The following DOP1B variants were observed in gnomAD, a reference collection of about 807,000 sequenced individuals.
DOP1B encodes DOP1 leucine zipper like protein B.
A neutral mutation model predicts 233.5 loss-of-function variants in DOP1B; 174 were observed. That is an observed-to-expected ratio of 0.75 (90% confidence interval 0.66 to 0.85). The LOEUF (loss-of-function observed/expected upper bound fraction) is 0.85, where lower values mean the gene tolerates loss of function less well. Ranked by LOEUF, DOP1B falls within the 40% of genes least tolerant of loss-of-function variation. The pLI is 0.00. For synonymous variants in DOP1B, 1,190 were observed against 1,185.6 expected, an observed-to-expected ratio of 1.00 and a Z score of -0.08; for missense variants, 2,652 against 2,846.6, an observed-to-expected ratio of 0.93 and a Z score of 1.56.
Position 36,223,275 on chromosome 21 carries a change from T to A in DOP1B, c.1295T>A (p.Val432Glu). 6.2e-7 allele frequency: 1 copy of A among 1,609,334 alleles called. No homozygotes were observed. Among genetic ancestry groups the A allele is most frequent in the Non-Finnish European group, 8.5e-7 (1 of 1,178,924 alleles). The change falls in exon 11 of 37, where the codon GTA becomes GAA. Residue 432 changes from valine to glutamate, a missense_variant. Around this residue, in one of 3 missense-constraint regions of DOP1B, gnomAD observed 2,617 missense variants for 2,794.3 expected, o/e 0.94. Transcript: ENST00000691173. The stretch of plus-strand genomic sequence containing the variant: ...AATGCCTCTGAGATTGTCAAAACGG[T>A]AAATTTGCTGATAACTTCTCTAAGC... Reference protein sequence around the residue: ...NRNASEIVKTVNLLITSLSTD... With the variant: ...NRNASEIVKTENLLITSLSTD...
chr21:36,267,365 T>A (rs939233021), intron 26 of DOP1B, among the ~76,000 whole-genome samples: 6 of 152,178 alleles, frequency 3.9e-5, no homozygotes, highest in Admixed American at 6.5e-5. Flanking sequence ...TGAATACAAT[T>A]TATGGTTTTT....
rs758489816 is a variant in DOP1B at position 36,203,285 on chromosome 21, G to A, written c.491+2784G>A. 6.1e-4 allele frequency among the ~76,000 whole-genome samples: 93 copies of A among 152,212 alleles called. 1 individual carries two copies. The highest frequency in any genetic ancestry group is 1.0e-3 in the Non-Finnish European group (70 of 68,046). ...TTATCAGCTCTCCAAGGTGGATGCA[G>A]GTGAAAGGTTATACAATAATCTCTG... On this transcript the variant is annotated intron_variant, in intron 4 of 36. Transcript: ENST00000691173.
chr21:36,195,477 T>G (rs2066280552), intron 2 of DOP1B, among the ~76,000 whole-genome samples: 1 of 151,708 alleles, frequency 6.6e-6, no homozygotes, highest in African/African-American at 2.4e-5. Flanking sequence ...GAGGTTGCAG[T>G]GAGTTGCAAT....
chr21:36,187,211 C>T (rs1252235794), intron 2 of DOP1B, among the ~76,000 whole-genome samples: 1 of 149,654 alleles, frequency 6.7e-6, no homozygotes, highest in Non-Finnish European at 1.5e-5. Flanking sequence ...CCTCCCTTCC[C>T]CTCCTCTCCC....
intron 5 of DOP1B, among the ~76,000 whole-genome samples, chr21:36,211,221 A>G (rs575549681): frequency 4.9e-4 from 74 of 152,346 alleles, no homozygotes; most frequent in African/African-American, 1.7e-3. Context: ...TTGATCAGGA[A>G]TTATTTTCCC....
chr21:36,168,740 C>T (rs1197369218), intron 2 of DOP1B, among the ~76,000 whole-genome samples: 1 of 151,862 alleles, frequency 6.6e-6, no homozygotes, highest in African/African-American at 2.4e-5. Context: ...ACCATCTTGG[C>T]CAGGCTGGTC....
intron 15 of DOP1B, among the ~76,000 whole-genome samples, chr21:36,237,003 T>TTGAACTCCTGACCTCAGGTGA (rs2066835262): frequency 6.6e-6 from 1 of 152,122 alleles, no homozygotes; most frequent in African/African-American, 2.4e-5. Flanking sequence ...CAGGCTGGTC[T>TTGAACTCCTGACCTCAGGTGA]TGAACTCCTG....
At chr21:36,165,561 C>T (rs1394823491) in intron 2 of DOP1B, among the ~76,000 whole-genome samples, 7 of 152,032 alleles carry the variant, frequency 4.6e-5, no homozygotes, top group Admixed American at 1.3e-4. Context: ...TATTAGGAAC[C>T]GGGACGCACA....
chr21:36,204,093 G>C (rs1203204832), intron 4 of DOP1B, among the ~76,000 whole-genome samples: 1 of 152,050 alleles, frequency 6.6e-6, no homozygotes. Flanking sequence ...GCCTCTCAGG[G>C]TACATTTGAC....
rs188995131 is a variant in DOP1B, at chr21:36,206,494, C to T, written c.492-2221C>T. 1.8e-4 allele frequency among the ~76,000 whole-genome samples: 27 copies of T among 150,152 alleles called. No homozygotes were observed. The East Asian group carries it at 4.9e-3, about 27-fold the overall frequency. ...GCAGTGAGCTGTGTTCATGCCACTGCACTCCAGCCTGGGTGACAGAGTAAC... is the reference window on the plus strand; with the variant it reads ...GCAGTGAGCTGTGTTCATGCCACTGTACTCCAGCCTGGGTGACAGAGTAAC... On this transcript the variant is annotated intron_variant, in intron 4 of 36. Transcript: ENST00000691173.
At chr21:36,221,710 G>C (rs1033086535) in intron 10 of DOP1B, among the ~76,000 whole-genome samples, 1 of 151,954 alleles carries the variant, frequency 6.6e-6, no homozygotes, top group African/African-American at 2.4e-5. Context: ...TGAGTAGCTA[G>C]GATTACAGGC....
chr21:36,208,538 C>A (rs575705998), intron 4 of DOP1B, among the ~76,000 whole-genome samples, 177 bp from the exon 5 acceptor site: 1 of 152,212 alleles, frequency 6.6e-6, no homozygotes, highest in Non-Finnish European at 1.5e-5. Flanking sequence ...TGACAGCCAG[C>A]AGGTGGACAC....
chr21:36,255,452 C>CT lies in DOP1B; in HGVS notation c.5259+1555dup, dbSNP rs539544460. On this transcript the variant is annotated intron_variant, in intron 23 of 36. Coordinates refer to ENST00000691173, the MANE Select transcript of DOP1B (RefSeq NM_001320714.2). The stretch of plus-strand genomic sequence containing the variant: ...AAAATTTGCATAATTTTTTTTAAAA[C>CT]TTTTTTTTTTTTAAGACAGGATCTC... Among the ~76,000 whole-genome samples the CT allele has an allele frequency of 1.3e-3, 173 of 136,974 alleles. 2 individuals are homozygous for CT. The highest frequency in any genetic ancestry group is 4.6e-3 in the Middle Eastern group (1 of 218). The allele number at this position is 136,974 out of a possible 152,430, so 89.9% of individuals were successfully genotyped here.
chr21:36,285,907 C>T (rs1453129331), intron 32 of DOP1B, among the ~76,000 whole-genome samples: 1 of 151,850 alleles, frequency 6.6e-6, no homozygotes, highest in African/African-American at 2.4e-5. Flanking sequence ...ACTTGGGAGG[C>T]TGAGGCAGGA....
chr21:36,257,596 TGATA>T (rs34032773), intron 23 of DOP1B, among the ~76,000 whole-genome samples: 29,745 of 150,010 alleles, frequency 0.2, 3,024 homozygotes, highest in East Asian at 0.32. Flanking sequence ...CGTAGATAGA[TGATA>T]GATAGATAGA....
chr21:36,236,870 C>T (rs936123501), intron 15 of DOP1B, among the ~76,000 whole-genome samples: 8 of 150,712 alleles, frequency 5.3e-5, no homozygotes, highest in African/African-American at 9.8e-5. Flanking sequence ...CTGCAACCTC[C>T]GCCTCCTGGA....
rs935700658 is a variant in DOP1B at position 36,259,541 on chromosome 21, G to T, written c.5260-1136G>T. ...ACCCGCCTTGGCTTCCCAAACTTCC[G>T]GGATTATAGGTGTGAGCCACCGTGC... On this transcript the variant is annotated intron_variant, in intron 23 of 36. Transcript: ENST00000691173. Among the ~76,000 whole-genome samples, 2 of 152,274 alleles carry T rather than the reference G, an allele frequency of 1.3e-5. 1 individual carries two copies. Among genetic ancestry groups the T allele is most frequent in the South Asian group, 4.2e-4 (2 of 4,818 alleles).
At position 36,294,205 on chromosome 21, in the gene DOP1B, C is replaced by G. The variant is rs958388513; in HGVS notation, c.*634C>G. 2 of 152,722 alleles carry G rather than the reference C, an allele frequency of 1.3e-5. No homozygotes were observed. The highest frequency in any genetic ancestry group is 6.5e-5 in the Admixed American group (1 of 15,268). 9.5% of individuals were successfully genotyped at this position (152,722 alleles called of 1,614,324 possible). On this transcript the variant is annotated 3_prime_UTR_variant, in exon 37 of 37. Coordinates refer to ENST00000691173, the MANE Select transcript of DOP1B (RefSeq NM_001320714.2). ...TCTTTGTTGAAGCAGTTATATGGGT[C>G]TTTCTCAGTATATTTCTCTTTTCTC... is the stretch of plus-strand genomic sequence containing the variant.
chr21:36,290,131 G>A (rs1447722440), intron 35 of DOP1B, among the ~76,000 whole-genome samples: 1 of 152,150 alleles, frequency 6.6e-6, no homozygotes, highest in Non-Finnish European at 1.5e-5. Flanking sequence ...AATACGGCAG[G>A]CTTGTATGTA....
Sources: gnomAD v4.1 joint callset for allele counts (sites outside exome capture counted in the v4.1 genomes callset) on GRCh38, gnomAD v4.1.1 for gene constraint, gnomAD v4.1.1 regional missense constraint, MANE v1.5 for transcripts, NCBI Gene and HGNC (gene_info 2026-07-23, HGNC 2026-07-21) for gene names.